Variants in DCC observed in about 807,000 individuals in gnomAD.
The protein encoded by DCC is netrin receptor DCC.
A neutral mutation model predicts 172.5 loss-of-function variants in DCC; 58 were observed. The observed-to-expected ratio is 0.34, with a 90% CI of 0.27 to 0.42. DCC has a LOEUF of 0.42. Ranked by LOEUF, DCC falls within the 10% of genes least tolerant of loss-of-function variation. DCC has a pLI of 1.00. For missense variants in DCC, 1,740 were observed against 1,791.0 expected (o/e 0.97, Z 0.51); for synonymous variants, 709 against 644.5 (o/e 1.10, Z -1.52).
At chr18:53,444,981 C>T (rs1485862531) in intron 22 of DCC, among the ~76,000 whole-genome samples, 1 of 152,170 alleles carries the variant, frequency 6.6e-6, no homozygotes, top group Non-Finnish European at 1.5e-5. Flanking sequence ...ATAATTGAAT[C>T]TGTTTTCTAC....
chr18:53,469,081 A>G (rs1457132925), intron 25 of DCC, among the ~76,000 whole-genome samples: 2 of 152,080 alleles, frequency 1.3e-5, no homozygotes, highest in African/African-American at 4.8e-5. Context: ...CAATTCTTCA[A>G]TCCCACCAGG....
chr18:53,282,848 G>A (rs2056889432), intron 12 of DCC, among the ~76,000 whole-genome samples: 1 of 152,042 alleles, frequency 6.6e-6, no homozygotes, highest in Admixed American at 6.6e-5. Flanking sequence ...ATGCCATTGG[G>A]TACCAAATTT....
At chr18:52,601,530 T>C (rs1165991412) in intron 1 of DCC, among the ~76,000 whole-genome samples, 1 of 152,038 alleles carries the variant, frequency 6.6e-6, no homozygotes, top group Non-Finnish European at 1.5e-5. Context: ...CTGAAGGAGT[T>C]TGCCATTTTA....
intron 22 of DCC, among the ~76,000 whole-genome samples, chr18:53,440,665 A>G (rs1912217911): frequency 6.6e-6 from 1 of 152,194 alleles, no homozygotes; most frequent in Admixed American, 6.5e-5. Context: ...AGATACAGAA[A>G]CAAAATTTTA....
chr18:53,109,250 T>C (rs2043295852), intron 7 of DCC, among the ~76,000 whole-genome samples: 1 of 151,462 alleles, frequency 6.6e-6, no homozygotes, highest in Admixed American at 6.6e-5. Flanking sequence ...GTTTTCCATG[T>C]GTATTGAATC....
intron 1 of DCC, among the ~76,000 whole-genome samples, chr18:52,537,705 A>C (rs138246848): frequency 6.6e-6 from 1 of 152,330 alleles, no homozygotes; most frequent in African/African-American, 2.4e-5. Flanking sequence ...ACAAAGATGC[A>C]GATTCCAAGA....
At chr18:53,525,439 C>T (rs1384821599) in intron 27 of DCC, among the ~76,000 whole-genome samples, 1 of 151,900 alleles carries the variant, frequency 6.6e-6, no homozygotes, top group Non-Finnish European at 1.5e-5. Context: ...CCCTAAAGTT[C>T]AAGAGTGAAA....
intron 27 of DCC, among the ~76,000 whole-genome samples, chr18:53,526,197 C>CTCT (rs1473555763): frequency 7.2e-5 from 11 of 152,178 alleles, no homozygotes; most frequent in African/African-American, 2.7e-4. Context: ...GAGCAACCAT[C>CTCT]TCTTCTAACT....
intron 1 of DCC, among the ~76,000 whole-genome samples, chr18:52,677,848 A>G (rs1186351971): frequency 2.6e-5 from 4 of 152,182 alleles, no homozygotes; most frequent in Non-Finnish European, 1.5e-5. Flanking sequence ...TTGAGCAAGT[A>G]TATTAATACT....
chr18:53,104,973 T>G (rs1265587999), intron 7 of DCC, among the ~76,000 whole-genome samples: 1 of 152,034 alleles, frequency 6.6e-6, no homozygotes, highest in Non-Finnish European at 1.5e-5. Flanking sequence ...GTAAGTTAAT[T>G]CCCATCTGTG....
chr18:53,412,019 C>A (rs1910016326), intron 20 of DCC, among the ~76,000 whole-genome samples: 1 of 152,092 alleles, frequency 6.6e-6, no homozygotes, highest in South Asian at 2.1e-4. Flanking sequence ...TGACTTAAGG[C>A]ATCCAAATGT....
intron 1 of DCC, among the ~76,000 whole-genome samples, chr18:52,549,007 G>T (rs886212096): frequency 1.3e-5 from 2 of 151,832 alleles, no homozygotes; most frequent in Non-Finnish European, 2.9e-5. Context: ...TTTTCTTTTA[G>T]AAGAAATCAC....
chr18:52,498,534 G>A (rs28627068), intron 1 of DCC, among the ~76,000 whole-genome samples: 4,833 of 152,162 alleles, frequency 0.032, 276 homozygotes, highest in African/African-American at 0.11. Context: ...TGAGGTAGGA[G>A]AATCACTTGA....
At chr18:52,971,823 T>C (rs1394888240) in intron 5 of DCC, among the ~76,000 whole-genome samples, 1 of 152,174 alleles carries the variant, frequency 6.6e-6, no homozygotes, top group Non-Finnish European at 1.5e-5. Context: ...ATGATTGATC[T>C]TAGGTGTGAC....
In DCC at chr18:53,214,464, A is replaced by G. The variant is rs1385976085; in HGVS notation, c.1862-1084A>G. 2.0e-5 allele frequency among the ~76,000 whole-genome samples: 3 copies of G among 152,176 alleles called. No individual in the cohort carries two copies. The East Asian group carries it at 5.8e-4, about 29-fold the overall frequency. ...ACTATTTAGAAGATAAATTCAGAGT[A>G]TGGCATAAATAAATTCATGGTCAGA... On this transcript the variant is annotated intron_variant, in intron 11 of 28. Transcript: ENST00000442544.
At chr18:53,275,086 T>G (rs1457893877) in intron 12 of DCC, among the ~76,000 whole-genome samples, 1 of 152,162 alleles carries the variant, frequency 6.6e-6, no homozygotes, top group African/African-American at 2.4e-5. Context: ...CTCTGGTGCA[T>G]GCTTAGGATA....
At chr18:52,891,912 A>C (rs1358470592) in intron 2 of DCC, among the ~76,000 whole-genome samples, 3 of 152,070 alleles carry the variant, frequency 2.0e-5, no homozygotes, top group Non-Finnish European at 4.4e-5. Flanking sequence ...ACTATTCTCT[A>C]TACAGCAGCC....
At chr18:52,949,237 A>G (rs911462280) in intron 5 of DCC, among the ~76,000 whole-genome samples, 3 of 152,224 alleles carry the variant, frequency 2.0e-5, no homozygotes, top group Non-Finnish European at 2.9e-5. Flanking sequence ...AGACTGCTGT[A>G]ACAATTTGCT....
chr18:52,655,779 T>A (rs1391802651), intron 1 of DCC, among the ~76,000 whole-genome samples: 1 of 151,910 alleles, frequency 6.6e-6, no homozygotes, highest in Non-Finnish European at 1.5e-5. Context: ...AAATAGTTAA[T>A]CCATTAAAAA....
Sources: gnomAD v4.1 joint callset for allele counts (sites outside exome capture counted in the v4.1 genomes callset) on GRCh38, gnomAD v4.1.1 for gene constraint, MANE v1.5 for transcripts, NCBI Gene and HGNC (gene_info 2026-07-23, HGNC 2026-07-21) for gene names.